Variants in SHISA9 observed in about 807,000 individuals in gnomAD.
The protein encoded by SHISA9 is shisa family member 9.
A neutral mutation model predicts 38.0 loss-of-function variants in SHISA9; 13 were observed. The observed-to-expected ratio is 0.34, with a 90% CI of 0.22 to 0.54. SHISA9 has a LOEUF of 0.54. Ranked by LOEUF, SHISA9 falls within the 20% of genes least tolerant of loss-of-function variation. The pLI is 0.91. For synonymous variants in SHISA9, 275 were observed against 242.0 expected (o/e 1.14, Z -1.27); for missense variants, 538 against 575.8 (o/e 0.93, Z 0.67).
At chr16:13,033,296 C>G (rs2073013932) in intron 2 of SHISA9, among the ~76,000 whole-genome samples, 1 of 152,068 alleles carries the variant, frequency 6.6e-6, no homozygotes, top group African/African-American at 2.4e-5. Flanking sequence ...GGTGGTTCTC[C>G]AAAGGAAGTT....
intron 2 of SHISA9, among the ~76,000 whole-genome samples, chr16:13,169,508 C>A (rs1057380230): frequency 6.6e-6 from 1 of 152,146 alleles, no homozygotes; most frequent in African/African-American, 2.4e-5. Context: ...CCATTAAATT[C>A]CTCTCTTATA....
chr16:13,512,539 C>G, the SHISA9 span, among the ~76,000 whole-genome samples: 2 of 152,140 alleles, frequency 1.3e-5, no homozygotes, highest in Non-Finnish European at 2.9e-5. Context: ...AAAAGAGAGT[C>G]TGTATAGCCA....
intron 2 of SHISA9, among the ~76,000 whole-genome samples, chr16:13,184,428 A>G (rs1263552329): frequency 2.6e-5 from 4 of 152,196 alleles, no homozygotes; most frequent in Non-Finnish European, 4.4e-5. Context: ...CTACGTTTCT[A>G]AGTAGGGTGA....
intron 2 of SHISA9, among the ~76,000 whole-genome samples, chr16:13,138,833 C>T (rs2050372809): frequency 6.6e-6 from 1 of 151,970 alleles, no homozygotes; most frequent in South Asian, 2.1e-4. Flanking sequence ...TTGTAGGATT[C>T]ATGGCTCCTG....
At chr16:13,036,128 C>T (rs2073058562) in intron 2 of SHISA9, among the ~76,000 whole-genome samples, 1 of 152,142 alleles carries the variant, frequency 6.6e-6, no homozygotes, top group Non-Finnish European at 1.5e-5. Flanking sequence ...ACATCAATTC[C>T]ACTCCTAGAT....
intron 2 of SHISA9, among the ~76,000 whole-genome samples, chr16:13,166,706 G>A (rs1309812580): frequency 6.6e-6 from 1 of 152,180 alleles, no homozygotes; most frequent in East Asian, 1.9e-4. Flanking sequence ...TGTCAAAAGT[G>A]AAGGCAAAGG....
the SHISA9 span, among the ~76,000 whole-genome samples, chr16:13,438,359 A>T: frequency 6.6e-6 from 1 of 152,054 alleles, no homozygotes; most frequent in African/African-American, 2.4e-5. Flanking sequence ...AATACCCATC[A>T]TTGTGGCGTT....
intron 2 of SHISA9, among the ~76,000 whole-genome samples, chr16:13,145,977 C>T (rs567932784): frequency 2.0e-5 from 3 of 152,318 alleles, no homozygotes; most frequent in South Asian, 2.1e-4. Flanking sequence ...TGCTTGAGGT[C>T]GAGAGTTTGA....
chr16:13,469,316 GAGAGAGAAAGAA>G, the SHISA9 span, among the ~76,000 whole-genome samples: 77 of 53,692 alleles, frequency 1.4e-3, 2 homozygotes, highest in African/African-American at 7.0e-3. Context: ...GAGAGAGAGA[GAGAGAGAAAGAA>G]AGAAAGAAAG....
At chr16:13,001,439 A>T (rs12935031) in intron 2 of SHISA9, among the ~76,000 whole-genome samples, 29,758 of 152,088 alleles carry the variant, frequency 0.2, 3,645 homozygotes, top group Middle Eastern at 0.33. Context: ...CTGGGATAGA[A>T]ACATTTACCT....
At chr16:13,224,856 G>C (rs188650317) in intron 4 of SHISA9, among the ~76,000 whole-genome samples, 32 of 152,252 alleles carry the variant, frequency 2.1e-4, no homozygotes, top group Admixed American at 6.5e-4. Context: ...AAACAGCAGG[G>C]ATGATGTCCA....
chr16:13,153,711 C>T (rs542289370), intron 2 of SHISA9, among the ~76,000 whole-genome samples: 1 of 152,110 alleles, frequency 6.6e-6, no homozygotes, highest in East Asian at 1.9e-4. Context: ...GGATGTTTGC[C>T]AGTCTTCTCT....
the SHISA9 span, chr16:13,458,541 A>T: frequency 2.3e-6 from 1 of 429,076 alleles, no homozygotes; most frequent in African/African-American, 2.1e-5. Flanking sequence ...TAGTAAAATT[A>T]ACAAATCAAA....
At chr16:12,931,385 G>A (rs755949203) in intron 2 of SHISA9, among the ~76,000 whole-genome samples, 3 of 152,190 alleles carry the variant, frequency 2.0e-5, no homozygotes, top group African/African-American at 4.8e-5. Context: ...TGTCACCCAG[G>A]TGGTGAGCAT....
intron 2 of SHISA9, among the ~76,000 whole-genome samples, chr16:12,925,449 G>GTTTA (rs2071382168): frequency 2.3e-5 from 2 of 88,352 alleles, no homozygotes; most frequent in Non-Finnish European, 4.3e-5. Flanking sequence ...GTGTGTGTAT[G>GTTTA]TGTGTGTGTG....
chr16:13,275,084 G>A, the SHISA9 span, among the ~76,000 whole-genome samples: 6 of 152,104 alleles, frequency 3.9e-5, no homozygotes, highest in Non-Finnish European at 7.4e-5. Flanking sequence ...CAGCTCTACC[G>A]TCTACCAGCT....
the SHISA9 span, among the ~76,000 whole-genome samples, chr16:13,306,843 A>G: frequency 6.6e-6 from 1 of 152,210 alleles, no homozygotes; most frequent in African/African-American, 2.4e-5. Context: ...ATTTGTGGCC[A>G]TATCTTAACA....
At chr16:13,556,656 C>G in the SHISA9 span, among the ~76,000 whole-genome samples, 1 of 151,944 alleles carries the variant, frequency 6.6e-6, no homozygotes, top group Admixed American at 6.6e-5. Context: ...GAGTGAGACT[C>G]TGTCTCAAAA....
chr16:13,026,499 C>G (rs771058063), intron 2 of SHISA9, among the ~76,000 whole-genome samples: 2 of 152,188 alleles, frequency 1.3e-5, no homozygotes, highest in African/African-American at 2.4e-5. Context: ...TGTGTCGTTT[C>G]TGTATCTTAG....
Sources: allele counts gnomAD v4.1 joint callset (sites outside exome capture counted in the v4.1 genomes callset), GRCh38; gene constraint gnomAD v4.1.1; transcripts MANE v1.5; gene names NCBI Gene and HGNC (gene_info 2026-07-23, HGNC 2026-07-21).